CHST11: variants seen among roughly 807,000 people sequenced by gnomAD.
CHST11 encodes the protein C4S-1.
A neutral mutation model predicts 30.4 loss-of-function variants in CHST11; 9 were observed. That is an observed-to-expected ratio of 0.30 (90% CI 0.18 to 0.52). CHST11 has a LOEUF of 0.52. Ranked by LOEUF, CHST11 falls within the 20% of genes least tolerant of loss-of-function variation. The pLI is 0.97. For missense variants in CHST11, 348 were observed against 460.6 expected, an observed-to-expected ratio of 0.76 and a Z score of 2.24; for synonymous variants, 152 against 187.8, an observed-to-expected ratio of 0.81 and a Z score of 1.56.
intron 1 of CHST11, among the ~76,000 whole-genome samples, chr12:104,573,784 T>C (rs1331265184): frequency 6.6e-6 from 1 of 152,146 alleles, no homozygotes; most frequent in African/African-American, 2.4e-5. Context: ...CAATACCATT[T>C]AGGACATAGG....
intron 2 of CHST11, among the ~76,000 whole-genome samples, chr12:104,667,864 AC>A (rs1278159118): frequency 6.6e-6 from 1 of 152,176 alleles, no homozygotes; most frequent in African/African-American, 2.4e-5. Flanking sequence ...AGACACCCAG[AC>A]CCACGGAATC....
At chr12:104,620,567 C>T (rs768493552) in intron 2 of CHST11, among the ~76,000 whole-genome samples, 1 of 152,132 alleles carries the variant, frequency 6.6e-6, no homozygotes, top group Non-Finnish European at 1.5e-5. Context: ...AATTAATTTG[C>T]CAATCCTTCT....
intron 1 of CHST11, among the ~76,000 whole-genome samples, chr12:104,468,993 T>C (rs1396257081): frequency 6.6e-6 from 1 of 152,086 alleles, no homozygotes; most frequent in Non-Finnish European, 1.5e-5. Context: ...AAAGAAAAAA[T>C]GAATGTAAAA....
intron 1 of CHST11, among the ~76,000 whole-genome samples, chr12:104,561,297 C>T (rs1226021454): frequency 1.3e-5 from 2 of 152,208 alleles, no homozygotes; most frequent in Non-Finnish European, 2.9e-5. Flanking sequence ...GTTCTGCCCC[C>T]ACACTGAGGG....
intron 2 of CHST11, among the ~76,000 whole-genome samples, chr12:104,669,370 T>C (rs1286691493): frequency 1.3e-5 from 2 of 152,228 alleles, no homozygotes; most frequent in Non-Finnish European, 2.9e-5. Context: ...TGGAGAGCTT[T>C]GCTTGTTTTG....
intron 2 of CHST11, among the ~76,000 whole-genome samples, chr12:104,752,996 T>C (rs534556921): frequency 6.6e-6 from 1 of 152,336 alleles, no homozygotes; most frequent in East Asian, 1.9e-4. Flanking sequence ...AAGACAAAGT[T>C]CCTGCTCTGT....
intron 2 of CHST11, among the ~76,000 whole-genome samples, chr12:104,750,626 T>C (rs560575445): frequency 1.8e-3 from 268 of 151,350 alleles, no homozygotes; most frequent in African/African-American, 6.3e-3. Context: ...GCATTTTTAG[T>C]AGAGACAGGG....
At chr12:104,602,955 C>A (rs1440824280) in intron 2 of CHST11, among the ~76,000 whole-genome samples, 1 of 152,116 alleles carries the variant, frequency 6.6e-6, no homozygotes, top group African/African-American at 2.4e-5. Flanking sequence ...CTCTCACCTG[C>A]ACTCCCTTCT....
chr12:104,652,971 G>T (rs1377133229), intron 2 of CHST11, among the ~76,000 whole-genome samples: 2 of 152,188 alleles, frequency 1.3e-5, no homozygotes, highest in Admixed American at 1.3e-4. Flanking sequence ...ATCTAGGGAG[G>T]CAGTGAGCTT....
chr12:104,492,957 C>T (rs377176224), intron 1 of CHST11, among the ~76,000 whole-genome samples: 1 of 151,452 alleles, frequency 6.6e-6, no homozygotes, highest in African/African-American at 2.4e-5. Context: ...TTCTTGAACC[C>T]GGGAGGCGGA....
intron 1 of CHST11, among the ~76,000 whole-genome samples, chr12:104,577,522 G>C (rs2038697371): frequency 6.6e-6 from 1 of 152,060 alleles, no homozygotes; most frequent in East Asian, 1.9e-4. Flanking sequence ...TTCCCACTCT[G>C]TACTTTCTTA....
intron 1 of CHST11, among the ~76,000 whole-genome samples, chr12:104,556,203 G>T (rs7954880): frequency 0.048 from 7,299 of 151,860 alleles, 265 homozygotes; most frequent in Non-Finnish European, 0.074. Context: ...CATCTAAGAT[G>T]GTGTGGGGCC....
chr12:104,551,402 G>A (rs902531778), intron 1 of CHST11, among the ~76,000 whole-genome samples: 7 of 152,034 alleles, frequency 4.6e-5, no homozygotes, highest in Admixed American at 2.0e-4. Context: ...CGTATGTCCC[G>A]TGACTGCTTG....
At chr12:104,575,831 T>A (rs975343103) in intron 1 of CHST11, among the ~76,000 whole-genome samples, 1 of 152,022 alleles carries the variant, frequency 6.6e-6, no homozygotes. Flanking sequence ...TGCTCAGAAA[T>A]TGCTTATCGG....
At chr12:104,545,950 G>A (rs561849436) in intron 1 of CHST11, among the ~76,000 whole-genome samples, 22 of 151,926 alleles carry the variant, frequency 1.4e-4, no homozygotes, top group Admixed American at 1.1e-3. Flanking sequence ...CTCAGTCTCC[G>A]TGCCCATCCT....
At chr12:104,535,954 T>C (rs1161407238) in intron 1 of CHST11, among the ~76,000 whole-genome samples, 1 of 152,216 alleles carries the variant, frequency 6.6e-6, no homozygotes, top group Non-Finnish European at 1.5e-5. Flanking sequence ...ACATTTACTT[T>C]CCTCTAGGAC....
At chr12:104,652,853 A>T (rs867062863) in intron 2 of CHST11, among the ~76,000 whole-genome samples, 1 of 152,076 alleles carries the variant, frequency 6.6e-6, no homozygotes, top group South Asian at 2.1e-4. Flanking sequence ...TGGCCAGCGA[A>T]GAGGGAGGCT....
At position 104,485,989 on chromosome 12, in the gene CHST11, CGTGT is replaced by C. The variant is rs767612644; in HGVS notation, c.118+28468_118+28471del. Among the ~76,000 whole-genome samples the C allele has an allele frequency of 3.4e-4, 51 of 152,178 alleles. No individual in the cohort carries two copies. In the East Asian group the frequency reaches 8.7e-3, roughly 26 times the overall value. ...ATAAGTCATCGCACCATTCTGTGTG[CGTGT>C]GTGTGTGGGCATGTGTGTGCATGTG... On this transcript the variant is annotated intron_variant, in intron 1 of 2. Coordinates refer to ENST00000303694, the MANE Select transcript of CHST11 (RefSeq NM_018413.6).
In CHST11 at chr12:104,757,727, C is replaced by T. The variant is rs887814138; in HGVS notation, c.983C>T (p.Thr328Met). 23 of 1,614,020 alleles carry T rather than the reference C, an allele frequency of 1.4e-5. No individual in the cohort carries two copies. Among genetic ancestry groups the T allele is most frequent in the Admixed American group, 3.3e-5 (2 of 60,004 alleles). ...FFQNISSEHQTQLYEVYKLDF... is the reference protein window; with the variant it reads ...FFQNISSEHQMQLYEVYKLDF... ...CAGAACATCAGCTCAGAGCACCAAA[C>T]GCAGCTGTACGAAGTCTACAAACTC... is the stretch of plus-strand genomic sequence containing the variant. The change falls in exon 3 of 3, where the codon ACG (threonine) becomes ATG (methionine). Residue 328 changes from threonine to methionine, a missense_variant. Around this residue, in one of 3 missense-constraint regions of CHST11, gnomAD observed 210 missense variants for 287.2 expected, o/e 0.73. Coordinates refer to ENST00000303694, the MANE Select transcript of CHST11 (RefSeq NM_018413.6). The surrounding 1 kb of genome is among the most constrained non-coding windows in gnomAD (Gnocchi z 6.5).
Sources: gnomAD v4.1 joint callset for allele counts (sites outside exome capture counted in the v4.1 genomes callset) on GRCh38, gnomAD v4.1.1 for gene constraint, gnomAD v4.1.1 regional missense constraint, Gnocchi (gnomAD v3.1) non-coding constraint, MANE v1.5 for transcripts, NCBI Gene and HGNC (gene_info 2026-07-23, HGNC 2026-07-21) for gene names.